The following MYRIP variants were observed in gnomAD, a reference collection of about 807,000 sequenced individuals.
The protein encoded by MYRIP is rab effector MyRIP.
In MYRIP, 49 loss-of-function variants were observed where a neutral mutation model predicts 98.0. That is an observed-to-expected ratio of 0.50 (90% confidence interval 0.40 to 0.63). The LOEUF is 0.63. Ranked by LOEUF, MYRIP falls within the 30% of genes least tolerant of loss-of-function variation. MYRIP has a pLI of 0.00. For missense variants in MYRIP, 1,004 were observed against 1,058.2 expected (o/e 0.95, Z 0.71); for synonymous variants, 404 against 409.5 (o/e 0.99, Z 0.16).
chr3:39,866,053 C>T (rs993762574), intron 1 of MYRIP, among the ~76,000 whole-genome samples: 2 of 152,130 alleles, frequency 1.3e-5, no homozygotes, highest in Middle Eastern at 3.2e-3. Context: ...GGCCACTATC[C>T]TAAGCAAACT....
chr3:40,221,343 G>A (rs760729310), intron 11 of MYRIP, among the ~76,000 whole-genome samples: 6 of 152,116 alleles, frequency 3.9e-5, no homozygotes, highest in Non-Finnish European at 7.3e-5. Context: ...AAATTGGATG[G>A]TTAAAAAGAA....
At chr3:40,152,408 T>A (rs944975069) in intron 4 of MYRIP, among the ~76,000 whole-genome samples, 8 of 152,164 alleles carry the variant, frequency 5.3e-5, no homozygotes, top group African/African-American at 1.9e-4. Flanking sequence ...TTAATGCACA[T>A]TGAGGAATAA....
intron 2 of MYRIP, among the ~76,000 whole-genome samples, chr3:40,036,510 T>C (rs761181167): frequency 1.3e-5 from 2 of 151,954 alleles, no homozygotes; most frequent in Non-Finnish European, 2.9e-5. Context: ...AACAAAATTG[T>C]TAAATGTGTA....
In MYRIP at chr3:40,182,354, G is replaced by A; in HGVS notation, c.1008G>A (p.Val336=). The change falls in exon 9 of 17, where the codon GTG becomes GTA. Residue 336 remains valine, a synonymous_variant. Transcript: ENST00000302541. ...AESALPSWKS[V]DRLDETNLAP... The stretch of plus-strand genomic sequence containing the variant: ...CTGCTCTGCCCAGCTGGAAGAGTGT[G>A]GACAGGCTGGATGAAACAAGTAACT... 6.2e-7 allele frequency: 1 copy of A among 1,612,890 alleles called. No homozygotes were observed. The highest frequency in any genetic ancestry group is 8.5e-7 in the Non-Finnish European group (1 of 1,179,566).
At chr3:39,864,852 C>T (rs922225793) in intron 1 of MYRIP, among the ~76,000 whole-genome samples, 1 of 152,062 alleles carries the variant, frequency 6.6e-6, no homozygotes, top group Admixed American at 6.6e-5. Flanking sequence ...CAAGGCAATC[C>T]TAAGCAAAAA....
At chr3:39,813,337 T>C (rs1940765637) in intron 1 of MYRIP, among the ~76,000 whole-genome samples, 1 of 152,160 alleles carries the variant, frequency 6.6e-6, no homozygotes, top group Non-Finnish European at 1.5e-5. Context: ...GGTGCCCTTC[T>C]CCCATCCATC....
intron 2 of MYRIP, among the ~76,000 whole-genome samples, chr3:39,973,099 A>G (rs916948018): frequency 3.9e-5 from 6 of 152,146 alleles, no homozygotes; most frequent in African/African-American, 1.2e-4. Context: ...TAAAAGACAC[A>G]GACTGGCAAA....
At chr3:40,009,707 G>A (rs1210344519) in intron 2 of MYRIP, among the ~76,000 whole-genome samples, 6 of 152,126 alleles carry the variant, frequency 3.9e-5, no homozygotes, top group Non-Finnish European at 2.9e-5. Context: ...TTAGATAGAG[G>A]CTTCATTTCC....
chr3:40,048,750 A>G (rs779528884), intron 3 of MYRIP, among the ~76,000 whole-genome samples: 4 of 152,144 alleles, frequency 2.6e-5, no homozygotes, highest in African/African-American at 4.8e-5. Flanking sequence ...TTTGCTTCAT[A>G]TATTTTGCAT....
intron 3 of MYRIP, among the ~76,000 whole-genome samples, chr3:40,124,407 A>G (rs1949476255): frequency 6.6e-6 from 1 of 152,244 alleles, no homozygotes; most frequent in African/African-American, 2.4e-5. Flanking sequence ...TGTCTGAGGA[A>G]GAAAATTTCA....
At chr3:39,852,246 C>G (rs1428795682) in intron 1 of MYRIP, among the ~76,000 whole-genome samples, 1 of 152,194 alleles carries the variant, frequency 6.6e-6, no homozygotes, top group East Asian at 1.9e-4. Flanking sequence ...AACTATGGGG[C>G]ACAGCACACA....
intron 3 of MYRIP, among the ~76,000 whole-genome samples, chr3:40,074,963 G>A (rs1204382625): frequency 6.6e-6 from 1 of 152,046 alleles, no homozygotes; most frequent in African/African-American, 2.4e-5. Flanking sequence ...AATTATAAAA[G>A]TTAATACAAA....
intron 3 of MYRIP, among the ~76,000 whole-genome samples, chr3:40,045,603 G>A (rs142510366): frequency 2.3e-3 from 355 of 152,314 alleles, no homozygotes; most frequent in Non-Finnish European, 3.4e-3. Context: ...TAAGGATTAC[G>A]TGACTTGAAT....
intron 2 of MYRIP, among the ~76,000 whole-genome samples, chr3:39,932,507 T>A (rs1475960935): frequency 2.0e-5 from 3 of 152,050 alleles, no homozygotes; most frequent in Non-Finnish European, 2.9e-5. Context: ...ACTACAGGTG[T>A]CCGCCACCAT....
At chr3:40,026,386 T>C (rs1394902461) in intron 2 of MYRIP, among the ~76,000 whole-genome samples, 1 of 152,038 alleles carries the variant, frequency 6.6e-6, no homozygotes, top group Admixed American at 6.6e-5. Flanking sequence ...CAAACACATG[T>C]TTTACAATCA....
chr3:39,836,408 T>A lies in MYRIP; in HGVS notation c.-31+26492T>A, dbSNP rs538685259. The stretch of plus-strand genomic sequence containing the variant: ...AATGTCTTCTTTTGAGAAGTGTCTG[T>A]TCATATCCTTTGCCCACTTTTGGAT... On this transcript the variant is annotated intron_variant, in intron 1 of 16. Coordinates refer to ENST00000302541, the MANE Select transcript of MYRIP (RefSeq NM_015460.4). Among the ~76,000 whole-genome samples, 208 of 152,356 alleles carry A rather than the reference T, an allele frequency of 1.4e-3. 5 individuals are homozygous for A. The South Asian group carries it at 0.042, about 31-fold the overall frequency.
In MYRIP at chr3:39,911,743, G is replaced by A. The variant is rs116049769; in HGVS notation, c.110+10817G>A. Among the ~76,000 whole-genome samples the A allele has an allele frequency of 5.4e-3, 816 of 152,326 alleles. 5 individuals are homozygous for A. Among genetic ancestry groups the A allele is most frequent in the African/African-American group, 0.019 (775 of 41,582 alleles). ...AGGAGGTAAGCACAATGAACAGCCT[G>A]GAAATCAGAGTTTCTTCCTCTCTCT... On this transcript the variant is annotated intron_variant, in intron 2 of 16. Coordinates refer to ENST00000302541, the MANE Select transcript of MYRIP (RefSeq NM_015460.4).
At position 39,875,724 on chromosome 3, in the gene MYRIP, G is replaced by C. The variant is rs1296896816; in HGVS notation, c.-30-25063G>C. On this transcript the variant is annotated intron_variant, in intron 1 of 16. Transcript: ENST00000302541. ...TGAGAGACAGTTTGTTATAATTTCT[G>C]TTCTTTTACATTTGCTGAGGAGAGC... 3.3e-5 allele frequency among the ~76,000 whole-genome samples: 5 copies of C among 151,000 alleles called. No homozygotes were observed. The South Asian group carries it at 1.0e-3, about 32-fold the overall frequency.
chr3:40,187,302 G>C (rs912867178), intron 9 of MYRIP, among the ~76,000 whole-genome samples: 1 of 152,206 alleles, frequency 6.6e-6, no homozygotes, highest in African/African-American at 2.4e-5. Flanking sequence ...GCCCAGAGGT[G>C]TTCTCTAACC....
Sources: gnomAD v4.1 joint callset for allele counts (sites outside exome capture counted in the v4.1 genomes callset) on GRCh38, gnomAD v4.1.1 for gene constraint, MANE v1.5 for transcripts, NCBI Gene and HGNC (gene_info 2026-07-23, HGNC 2026-07-21) for gene names.